Variants in HRH1 observed in about 807,000 individuals in gnomAD.
HRH1 encodes histamine H1 receptor.
Under a neutral mutation model 10.3 loss-of-function variants are expected in HRH1, and 6 were observed. The ratio of observed to expected loss-of-function variants is 0.58; its 90% CI spans 0.32 to 1.15. HRH1 has a LOEUF of 1.15. HRH1 is among the 50% of genes most tolerant of loss of function. The pLI is 0.05. For synonymous variants in HRH1, 242 were observed against 236.7 expected (o/e 1.02, Z -0.21); for missense variants, 514 against 615.3 (o/e 0.84, Z 1.74).
intron 1 of HRH1, among the ~76,000 whole-genome samples, chr3:11,214,713 A>G (rs891204440): frequency 6.6e-6 from 1 of 152,230 alleles, no homozygotes; most frequent in Non-Finnish European, 1.5e-5. Flanking sequence ...GTATATGTTT[A>G]ATTTTCTACC....
chr3:11,163,496 G>A (rs372671852), intron 1 of HRH1, among the ~76,000 whole-genome samples: 2 of 152,010 alleles, frequency 1.3e-5, no homozygotes, highest in South Asian at 2.1e-4. Context: ...GTTTGAACCC[G>A]AGCTCTACCA....
intron 1 of HRH1, among the ~76,000 whole-genome samples, chr3:11,165,069 G>A (rs186037058): frequency 6.6e-6 from 1 of 152,338 alleles, no homozygotes; most frequent in East Asian, 1.9e-4. Context: ...CAACAAAGCA[G>A]AATGTGACAT....
At position 11,161,177 on chromosome 3, in the gene HRH1, G is replaced by A. The variant is rs79093103; in HGVS notation, c.-36+6623G>A. Among the ~76,000 whole-genome samples, 1,398 of 152,264 alleles carry A rather than the reference G, an allele frequency of 9.2e-3. 17 individuals are homozygous for A. The highest frequency in any genetic ancestry group is 0.032 in the African/African-American group (1,311 of 41,536). On this transcript the variant is annotated intron_variant, in intron 1 of 1. Transcript: ENST00000431010. Reference sequence around the variant, plus strand: ...AAGAGAGCCTTTGATGTGGTTCAGGGGCACAGAGCACAGGAGGAGGACCGG... The same window carrying A: ...AAGAGAGCCTTTGATGTGGTTCAGGAGCACAGAGCACAGGAGGAGGACCGG...
At chr3:11,253,593 A>G (rs1336335737) in intron 1 of HRH1, among the ~76,000 whole-genome samples, 1 of 152,010 alleles carries the variant, frequency 6.6e-6, no homozygotes. Context: ...CCTTGGTAAG[A>G]TTTTGGGTGC....
At chr3:11,225,529 C>T (rs113659783) in intron 1 of HRH1, among the ~76,000 whole-genome samples, 2,602 of 152,266 alleles carry the variant, frequency 0.017, 82 homozygotes, top group African/African-American at 0.057. Context: ...GTGACGGGAA[C>T]ATATTTCTGG....
chr3:11,255,367 G>T (rs1939757932), intron 1 of HRH1, among the ~76,000 whole-genome samples: 1 of 152,236 alleles, frequency 6.6e-6, no homozygotes, highest in Non-Finnish European at 1.5e-5. Flanking sequence ...CCAGGGAGCT[G>T]AGAGCCACCT....
intron 1 of HRH1, among the ~76,000 whole-genome samples, chr3:11,238,139 C>T (rs1035492058): frequency 6.6e-6 from 1 of 152,072 alleles, no homozygotes; most frequent in Admixed American, 6.5e-5. Flanking sequence ...CCTGTCACAC[C>T]AGGGCTGGGG....
chr3:11,223,574 G>T (rs1359193404), intron 1 of HRH1, among the ~76,000 whole-genome samples: 2 of 152,144 alleles, frequency 1.3e-5, no homozygotes, highest in African/African-American at 4.8e-5. Flanking sequence ...CAGCTTGACT[G>T]TTCTCTAGCT....
intron 1 of HRH1, among the ~76,000 whole-genome samples, chr3:11,147,525 T>C (rs530942573): frequency 1.3e-5 from 2 of 152,130 alleles, no homozygotes; most frequent in Admixed American, 6.5e-5. Context: ...AGGAGAAAGA[T>C]ATCCAAATAA....
At chr3:11,250,305 C>T (rs963564154) in intron 1 of HRH1, among the ~76,000 whole-genome samples, 1 of 150,610 alleles carries the variant, frequency 6.6e-6, no homozygotes, top group East Asian at 2.0e-4. Flanking sequence ...GTGATCCGTC[C>T]GTCTCGGCCT....
intron 1 of HRH1, among the ~76,000 whole-genome samples, chr3:11,191,907 GC>G (rs1937540100): frequency 6.6e-6 from 1 of 152,192 alleles, no homozygotes; most frequent in South Asian, 2.1e-4. Context: ...TCCCTATGGG[GC>G]TGGCATGGCC....
chr3:11,188,399 C>T (rs962759271), intron 1 of HRH1, among the ~76,000 whole-genome samples: 4 of 152,054 alleles, frequency 2.6e-5, no homozygotes, highest in Non-Finnish European at 5.9e-5. Flanking sequence ...GCCTGGAGTT[C>T]GAGACCAGCC....
chr3:11,214,024 GT>G (rs1286095286), intron 1 of HRH1, among the ~76,000 whole-genome samples: 1 of 152,160 alleles, frequency 6.6e-6, no homozygotes. Flanking sequence ...GTCTCAGGGG[GT>G]CAGCGTGGGG....
chr3:11,169,289 T>C (rs769116864), intron 1 of HRH1, among the ~76,000 whole-genome samples: 7 of 152,026 alleles, frequency 4.6e-5, no homozygotes, highest in Non-Finnish European at 8.8e-5. Context: ...GTTTAACAGA[T>C]AGGAGCTCCC....
At chr3:11,141,086 C>T (rs984901658) in intron 1 of HRH1, among the ~76,000 whole-genome samples, 1 of 152,134 alleles carries the variant, frequency 6.6e-6, no homozygotes, top group Non-Finnish European at 1.5e-5. Context: ...ATCCTGGGAT[C>T]CCAGGGCCAT....
At chr3:11,142,681 A>C (rs996830312) in intron 1 of HRH1, among the ~76,000 whole-genome samples, 1 of 152,188 alleles carries the variant, frequency 6.6e-6, no homozygotes, top group African/African-American at 2.4e-5. Context: ...TTGGGAGGCC[A>C]AGACAGGCAG....
At chr3:11,236,564 A>T (rs2152576844) in intron 1 of HRH1, among the ~76,000 whole-genome samples, 1 of 152,356 alleles carries the variant, frequency 6.6e-6, no homozygotes, top group South Asian at 2.1e-4. Flanking sequence ...AAGAATATTC[A>T]TCAGTGAAGA....
At chr3:11,257,040 G>T (rs528788588) in intron 1 of HRH1, among the ~76,000 whole-genome samples, 1 of 151,776 alleles carries the variant, frequency 6.6e-6, no homozygotes, top group Non-Finnish European at 1.5e-5. Context: ...ATCATCTGAG[G>T]TCAGGAGTTC....
intron 1 of HRH1, among the ~76,000 whole-genome samples, chr3:11,171,612 A>T (rs556842511): frequency 6.6e-6 from 1 of 152,366 alleles, no homozygotes; most frequent in South Asian, 2.1e-4. Flanking sequence ...GGGCTAGCCC[A>T]TGCAGTGCCA....
Sources: gnomAD v4.1 joint callset for allele counts (sites outside exome capture counted in the v4.1 genomes callset) on GRCh38, gnomAD v4.1.1 for gene constraint, MANE v1.5 for transcripts, NCBI Gene and HGNC (gene_info 2026-07-23, HGNC 2026-07-21) for gene names.